The following SLC24A3 variants were observed in gnomAD, a reference collection of about 807,000 sequenced individuals.
SLC24A3 encodes the protein sodium/potassium/calcium exchanger 3.
In SLC24A3, 28 loss-of-function variants were observed where a neutral mutation model predicts 75.8. The observed-to-expected ratio is 0.37, with a 90% CI of 0.27 to 0.51. SLC24A3 has a LOEUF of 0.51. Ranked by LOEUF, SLC24A3 falls within the 20% of genes least tolerant of loss-of-function variation. The pLI, the probability that SLC24A3 is intolerant of heterozygous loss-of-function variation, is 0.94. For synonymous variants in SLC24A3, 372 were observed against 334.1 expected (o/e 1.11, Z -1.24); for missense variants, 663 against 847.8 (o/e 0.78, Z 2.71).
chr20:19,558,484 C>T (rs184524895), intron 3 of SLC24A3, among the ~76,000 whole-genome samples: 14 of 152,196 alleles, frequency 9.2e-5, no homozygotes, highest in African/African-American at 3.1e-4. Context: ...ACCAGTTTTC[C>T]CACCAAGCTG....
At chr20:19,315,569 A>G (rs1984567597) in intron 2 of SLC24A3, among the ~76,000 whole-genome samples, 1 of 152,088 alleles carries the variant, frequency 6.6e-6, no homozygotes, top group African/African-American at 2.4e-5. Flanking sequence ...GATTCTTTCT[A>G]CAAAGTGCTG....
chr20:19,600,708 G>A (rs559344185), intron 6 of SLC24A3, among the ~76,000 whole-genome samples: 1 of 152,298 alleles, frequency 6.6e-6, no homozygotes, highest in African/African-American at 2.4e-5. Flanking sequence ...ACCCAGGCTG[G>A]AGTGCAGTGG....
intron 2 of SLC24A3, among the ~76,000 whole-genome samples, chr20:19,377,313 A>T (rs1986101155): frequency 6.6e-6 from 1 of 152,150 alleles, no homozygotes; most frequent in Non-Finnish European, 1.5e-5. Context: ...TGTCATGAAG[A>T]TGGAAGGATA....
At chr20:19,546,178 A>AAAAAAAAAAAAAAAAAC (rs1568651708) in intron 3 of SLC24A3, among the ~76,000 whole-genome samples, 1 of 149,756 alleles carries the variant, frequency 6.7e-6, no homozygotes, top group African/African-American at 2.4e-5. Flanking sequence ...AAAAAAAAAA[A>AAAAAAAAAAAAAAAAAC]AAAAAAAAAA....
intron 8 of SLC24A3, among the ~76,000 whole-genome samples, chr20:19,667,768 CG>C (rs573200844): frequency 1.1e-3 from 174 of 152,320 alleles, no homozygotes; most frequent in Non-Finnish European, 1.3e-3. Context: ...CAAAACATCT[CG>C]GGATAGTTCA....
intron 1 of SLC24A3, among the ~76,000 whole-genome samples, chr20:19,266,886 A>G (rs1160346831): frequency 6.6e-6 from 1 of 152,202 alleles, no homozygotes; most frequent in Non-Finnish European, 1.5e-5. Context: ...ATATATATGT[A>G]TAATGAGATA....
At chr20:19,659,139 C>T (rs918632821) in intron 7 of SLC24A3, among the ~76,000 whole-genome samples, 6 of 152,206 alleles carry the variant, frequency 3.9e-5, no homozygotes, top group Admixed American at 3.9e-4. Context: ...TCCCAGGTAA[C>T]GTGGGCCAGC....
rs572842446 is a variant in SLC24A3, at chr20:19,459,820, T to C, written c.272-55668T>C. Among the ~76,000 whole-genome samples, 4 of 152,230 alleles carry C rather than the reference T, an allele frequency of 2.6e-5. 1 individual carries two copies. The highest frequency in any genetic ancestry group is 4.1e-4 in the South Asian group (2 of 4,828). On this transcript the variant is annotated intron_variant, in intron 2 of 16. Transcript: ENST00000328041. ...TCACTCAATCACCTCCCACCCCCAT[T>C]TGGACCAAGGCTGAGATGGCAAATG...
intron 2 of SLC24A3, among the ~76,000 whole-genome samples, chr20:19,510,769 T>C (rs550898925): frequency 4.1e-4 from 63 of 152,346 alleles, no homozygotes; most frequent in Middle Eastern, 3.4e-3. Context: ...GGCACCTTTA[T>C]CTCAGACTTC....
At chr20:19,285,019 C>G (rs1413720765) in intron 2 of SLC24A3, among the ~76,000 whole-genome samples, 2 of 152,164 alleles carry the variant, frequency 1.3e-5, no homozygotes, top group African/African-American at 4.8e-5. Context: ...TTCCTCTACT[C>G]CCTCTCCCCT....
chr20:19,717,823 GA>G (rs2033059484), intron 16 of SLC24A3, among the ~76,000 whole-genome samples: 1 of 152,138 alleles, frequency 6.6e-6, no homozygotes, highest in African/African-American at 2.4e-5. Flanking sequence ...ATCTTACATA[GA>G]AAGCAAACCA....
At chr20:19,512,818 G>A (rs912519886) in intron 2 of SLC24A3, among the ~76,000 whole-genome samples, 3 of 152,182 alleles carry the variant, frequency 2.0e-5, no homozygotes, top group Non-Finnish European at 4.4e-5. Context: ...CTTGTGGGGC[G>A]GAAAGTAAAG....
intron 3 of SLC24A3, among the ~76,000 whole-genome samples, chr20:19,521,786 C>T (rs551461463): frequency 1.6e-4 from 24 of 152,348 alleles, no homozygotes; most frequent in Non-Finnish European, 3.1e-4. Flanking sequence ...AAAGAATAAA[C>T]TAATGATGCA....
chr20:19,600,447 A>T (rs2031514382), intron 6 of SLC24A3, among the ~76,000 whole-genome samples: 1 of 152,220 alleles, frequency 6.6e-6, no homozygotes, highest in African/African-American at 2.4e-5. Context: ...TTATGACAAT[A>T]AAATAAAAGA....
intron 6 of SLC24A3, among the ~76,000 whole-genome samples, chr20:19,620,147 C>A (rs1312229255): frequency 6.6e-6 from 1 of 152,178 alleles, no homozygotes; most frequent in African/African-American, 2.4e-5. Context: ...GGTCTCCCAG[C>A]ACAAAGAGGC....
rs116382434 is a variant in SLC24A3, at chr20:19,393,685, A to C, written c.271+112598A>C. On this transcript the variant is annotated intron_variant, in intron 2 of 16. Transcript: ENST00000328041. ...AGAGATTTGTCCATTCAAAACTACA[A>C]AATGTTGATGAAAGAAATTTTTTAA... is the stretch of plus-strand genomic sequence containing the variant. Among the ~76,000 whole-genome samples the C allele has an allele frequency of 7.7e-3, 1,172 of 152,312 alleles. 9 individuals carry two copies. Among genetic ancestry groups the C allele is most frequent in the African/African-American group, 0.027 (1,113 of 41,562 alleles).
intron 9 of SLC24A3, among the ~76,000 whole-genome samples, chr20:19,678,752 G>A (rs1441528500): frequency 2.0e-5 from 3 of 150,404 alleles, no homozygotes; most frequent in South Asian, 2.1e-4. Flanking sequence ...CAGACGGGGC[G>A]GCTGCCGGGC....
At chr20:19,243,317 A>G (rs1795179880) in intron 1 of SLC24A3, among the ~76,000 whole-genome samples, 1 of 152,232 alleles carries the variant, frequency 6.6e-6, no homozygotes, top group African/African-American at 2.4e-5. Flanking sequence ...CCAAAGCACA[A>G]CTGTTACGGG....
intron 8 of SLC24A3, among the ~76,000 whole-genome samples, chr20:19,669,300 G>A (rs2424247): frequency 0.13 from 19,712 of 152,084 alleles, 1,966 homozygotes; most frequent in African/African-American, 0.28. Flanking sequence ...TTAGGAGTTC[G>A]AGACCAGCCT....
Sources: gnomAD v4.1 joint callset for allele counts (sites outside exome capture counted in the v4.1 genomes callset) on GRCh38, gnomAD v4.1.1 for gene constraint, MANE v1.5 for transcripts, NCBI Gene and HGNC (gene_info 2026-07-23, HGNC 2026-07-21) for gene names.